The following PARP4 variants were observed in gnomAD, a reference collection of about 807,000 sequenced individuals.
PARP4 encodes protein mono-ADP-ribosyltransferase PARP4.
A neutral mutation model predicts 187.7 loss-of-function variants in PARP4; 120 were observed. The ratio of observed to expected loss-of-function variants is 0.64; its 90% CI spans 0.55 to 0.74. The LOEUF is 0.74. Ranked by LOEUF, PARP4 falls within the 30% of genes least tolerant of loss-of-function variation. The pLI is 0.00. For synonymous variants in PARP4, 654 were observed against 740.9 expected (o/e 0.88, Z 1.90); for missense variants, 1,836 against 2,070.5 (o/e 0.89, Z 2.20).
At chr13:24,422,756 G>A (rs553479311) in intron 33 of PARP4, among the ~76,000 whole-genome samples, 2 of 152,070 alleles carry the variant, frequency 1.3e-5, no homozygotes, top group Admixed American at 6.5e-5. Flanking sequence ...TTACAGACAC[G>A]TGCCACCACA....
In PARP4 at chr13:24,435,460, G is replaced by C; in HGVS notation, c.3681C>G (p.Ser1227=). 6.3e-7 allele frequency: 1 copy of C among 1,598,178 alleles called. No homozygotes were observed. The highest frequency in any genetic ancestry group is 1.1e-5 in the South Asian group (1 of 88,646). Residue 1227 remains serine, a synonymous_variant, in exon 31 of 34, where the codon TCC becomes TCG. Coordinates refer to ENST00000381989, the MANE Select transcript of PARP4 (RefSeq NM_006437.4). ...EAVRNQSLLA[S]SEWPELRLSK... ...ATAAACGTAATTCTGGCCACTCAGA[G>C]GATGCTAAAAGAGACTGCCCAGAAG...
In PARP4 at chr13:24,492,407, T is replaced by C; in HGVS notation, c.1053+14A>G. On this transcript the variant is annotated intron_variant, in intron 9 of 33. Transcript: ENST00000381989. ...ATTTTATAATAAATAGAATTCTATA[T>C]TTCAGAGGTTTACCTGGCAGAGGTC... is the stretch of plus-strand genomic sequence containing the variant. 6.3e-7 allele frequency: 1 copy of C among 1,590,848 alleles called. No individual in the cohort carries two copies. The highest frequency in any genetic ancestry group is 1.1e-5 in the South Asian group (1 of 88,844).
At position 24,459,883 on chromosome 13, in the gene PARP4, T is replaced by C. The variant is rs963714416; in HGVS notation, c.2298+89A>G. ...GCCTAAAAGATTATTTTACATGTTT[T>C]TCTCCCCAGGCATAAATTCCTCCAC... On this transcript the variant is annotated intron_variant, in intron 18 of 33. Transcript: ENST00000381989. The C allele has an allele frequency of 3.8e-6, 4 of 1,057,010 alleles. No individual in the cohort carries two copies. In the South Asian group the frequency reaches 7.0e-5, roughly 18 times the overall value. The allele number at this position is 1,057,010 out of a possible 1,614,324, so 65.5% of individuals were successfully genotyped here.
At chr13:24,503,296 G>C (rs151308308) in intron 2 of PARP4, among the ~76,000 whole-genome samples, 5 of 152,220 alleles carry the variant, frequency 3.3e-5, no homozygotes, top group Admixed American at 6.5e-5. Flanking sequence ...GGTGAGTGAC[G>C]ACAGTGCGCT....
rs1355764251 is a variant in PARP4 at position 24,455,579 on chromosome 13, A to C, written c.2563-367T>G. On this transcript the variant is annotated intron_variant, in intron 21 of 33. Coordinates refer to ENST00000381989, the MANE Select transcript of PARP4 (RefSeq NM_006437.4). ...CACACACATACCTTTTGTTCTATTA[A>C]TTAACCAATATTTAACTACTATCAT... Among the ~76,000 whole-genome samples, 5 of 145,424 alleles carry C rather than the reference A, an allele frequency of 3.4e-5. No homozygotes were observed. The East Asian group carries it at 9.9e-4, about 29-fold the overall frequency.
In PARP4 at chr13:24,484,645, G is replaced by A. The variant is rs566331677; in HGVS notation, c.1448+8C>T. 4.3e-5 allele frequency: 68 copies of A among 1,586,712 alleles called. No homozygotes were observed. The highest frequency in any genetic ancestry group is 5.5e-5 in the Non-Finnish European group (63 of 1,155,062). On this transcript the variant is annotated splice_region_variant and intron_variant, in intron 12 of 33. Transcript: ENST00000381989. ...AGTAACGATTCTGTGATTAAGGATC[G>A]AACATACCTGAGCGAATCACTGAAA...
chr13:24,453,677 G>A, intron 22 of PARP4, 23 bp from the exon 23 acceptor site: 26 of 1,428,828 alleles, frequency 1.8e-5, no homozygotes, highest in Non-Finnish European at 2.6e-5. Context: ...ATCAGCATGA[G>A]GTGCTGCTTC....
intron 30 of PARP4, among the ~76,000 whole-genome samples, chr13:24,437,725 G>C (rs771311434): frequency 5.3e-5 from 8 of 152,048 alleles, no homozygotes; most frequent in Non-Finnish European, 1.2e-4. Flanking sequence ...GAGCATCCCA[G>C]CTACTCAGGA....
intron 32 of PARP4, among the ~76,000 whole-genome samples, chr13:24,428,763 G>T (rs188065378): frequency 6.6e-6 from 1 of 152,190 alleles, no homozygotes; most frequent in East Asian, 1.9e-4. Context: ...GTGAGCCACT[G>T]TGCCTGGCTT....
intron 18 of PARP4, chr13:24,459,532 T>TACACACACACACACACACAC (rs762453075): frequency 2.5e-5 from 8 of 316,518 alleles, no homozygotes; most frequent in Admixed American, 1.1e-4. Context: ...TCTGTGTGTA[T>TACACACACACACACACACAC]ACACACACAC....
At chr13:24,443,823 G>A in intron 27 of PARP4, 93 bp from the exon 28 acceptor site, 2 of 858,502 alleles carry the variant, frequency 2.3e-6, no homozygotes, top group Non-Finnish European at 3.9e-6. Flanking sequence ...GGTATAATCT[G>A]CATACAGTAA....
At chr13:24,470,906 C>G (rs1872703254) in intron 15 of PARP4, among the ~76,000 whole-genome samples, 1 of 152,236 alleles carries the variant, frequency 6.6e-6, no homozygotes, top group African/African-American at 2.4e-5. Flanking sequence ...AGCAGGTCAG[C>G]ACCGTCCTGG....
chr13:24,440,511 G>A (rs1020338029), intron 30 of PARP4, among the ~76,000 whole-genome samples: 2 of 150,308 alleles, frequency 1.3e-5, no homozygotes, highest in African/African-American at 2.5e-5. Context: ...AACAGTGCCC[G>A]TTTCAGACAC....
At chr13:24,460,399 G>A (rs866940033) in intron 17 of PARP4, among the ~76,000 whole-genome samples, 81 of 151,240 alleles carry the variant, frequency 5.4e-4, no homozygotes, top group African/African-American at 1.9e-3. Context: ...GGCACTCATG[G>A]ACTCTGCCCC....
At chr13:24,483,492 C>CAAAAA (rs745935813) in intron 12 of PARP4, among the ~76,000 whole-genome samples, 1 of 108,002 alleles carries the variant, frequency 9.3e-6, no homozygotes, top group African/African-American at 3.6e-5. Context: ...GACTCCGTCT[C>CAAAAA]AAAAAAAAAA....
In PARP4 at chr13:24,478,209, C is replaced by A; in HGVS notation, c.1516G>T (p.Ala506Ser). Residue 506 changes from alanine to serine, a missense_variant, in exon 13 of 34, where the codon GCC (alanine) becomes TCC (serine). Transcript: ENST00000381989. ...GTRLLLICDV[A>S]LGKCMDLHEK... ...TGTAAGTCCATACACTTTCCGAGGGCTACGTCACAAATGAGCAGGAGTCTG... is the reference window on the plus strand; with the variant it reads ...TGTAAGTCCATACACTTTCCGAGGGATACGTCACAAATGAGCAGGAGTCTG... The A allele has an allele frequency of 6.2e-7, 1 of 1,613,664 alleles. No individual in the cohort carries two copies. Among genetic ancestry groups the A allele is most frequent in the Non-Finnish European group, 8.5e-7 (1 of 1,179,708 alleles).
intron 12 of PARP4, among the ~76,000 whole-genome samples, chr13:24,481,802 G>A (rs1873294762): frequency 6.6e-6 from 1 of 152,212 alleles, no homozygotes; most frequent in Admixed American, 6.5e-5. Flanking sequence ...GTTCCAGGGA[G>A]CTATGGCTAT....
intron 1 of PARP4, among the ~76,000 whole-genome samples, chr13:24,512,246 T>C (rs1192975470): frequency 2.0e-5 from 3 of 152,262 alleles, no homozygotes; most frequent in South Asian, 2.1e-4. Context: ...AAACACATTG[T>C]TTCTATCACG....
chr13:24,440,722 A>G (rs1870883454), intron 30 of PARP4, among the ~76,000 whole-genome samples: 1 of 138,248 alleles, frequency 7.2e-6, no homozygotes, highest in South Asian at 2.2e-4. Context: ...ATTCGGCCAC[A>G]GCACCTGTGA....
Sources: allele counts gnomAD v4.1 joint callset (sites outside exome capture counted in the v4.1 genomes callset), GRCh38; gene constraint gnomAD v4.1.1; transcripts MANE v1.5; gene names NCBI Gene and HGNC (gene_info 2026-07-23, HGNC 2026-07-21).